CCDC171: variants seen among roughly 807,000 people sequenced by gnomAD.
CCDC171 encodes the protein coiled-coil domain containing 171, also known as coiled-coil domain-containing protein 171.
In CCDC171, 177 loss-of-function variants were observed where a neutral mutation model predicts 168.2. That is an observed-to-expected ratio of 1.05 (90% CI 0.93 to 1.19). The LOEUF (loss-of-function observed/expected upper bound fraction) is 1.19, where lower values mean the gene tolerates loss of function less well. Ranked by LOEUF, CCDC171 falls within the 50% of genes most tolerant of loss-of-function variation. CCDC171 has a pLI of 0.00. For synonymous variants in CCDC171, 687 were observed against 540.8 expected, an observed-to-expected ratio of 1.27 and a Z score of -3.75; for missense variants, 1,991 against 1,539.0, an observed-to-expected ratio of 1.29 and a Z score of -4.91.
At chr9:15,709,329 A>G (rs192157849) in intron 11 of CCDC171, among the ~76,000 whole-genome samples, 170 of 152,344 alleles carry the variant, frequency 1.1e-3, no homozygotes, top group African/African-American at 3.8e-3. Flanking sequence ...AATTGACATT[A>G]GAAAATCTAC....
chr9:15,648,077 G>A (rs568637715), intron 7 of CCDC171, among the ~76,000 whole-genome samples: 1 of 152,330 alleles, frequency 6.6e-6, no homozygotes, highest in East Asian at 1.9e-4. Context: ...TCCCTGGGAT[G>A]CAAGGCTGGT....
chr9:15,603,086 A>T (rs546155242), intron 6 of CCDC171, among the ~76,000 whole-genome samples: 18 of 151,932 alleles, frequency 1.2e-4, no homozygotes, highest in African/African-American at 4.3e-4. Context: ...GGTTCATGCT[A>T]TTCTCCTGCC....
At position 15,784,597 on chromosome 9, in the gene CCDC171, A is replaced by G; in HGVS notation, c.3170A>G (p.Asn1057Ser). 1.9e-6 allele frequency: 3 copies of G among 1,613,362 alleles called. No homozygotes were observed. The highest frequency in any genetic ancestry group is 8.5e-7 in the Non-Finnish European group (1 of 1,179,476). ...GAAGAGCAGGCACAAATGCTATTGAATGAACAGGCACAACAACTACAGGAA... is the reference window on the plus strand; with the variant it reads ...GAAGAGCAGGCACAAATGCTATTGAGTGAACAGGCACAACAACTACAGGAA... ...LREEQAQMLL[N>S]EQAQQLQELN... The change falls in exon 21 of 26, where the codon AAT (asparagine) becomes AGT (serine). Residue 1057 changes from asparagine (N) to serine (S), a missense_variant. Coordinates refer to ENST00000380701, the MANE Select transcript of CCDC171 (RefSeq NM_173550.4).
chr9:15,603,444 C>T (rs767173254), intron 6 of CCDC171, among the ~76,000 whole-genome samples: 2 of 152,148 alleles, frequency 1.3e-5, no homozygotes, highest in African/African-American at 2.4e-5. Context: ...GTGTTGTTCC[C>T]CTCCCTGTGT....
chr9:15,653,886 G>A (rs936300496), intron 7 of CCDC171, among the ~76,000 whole-genome samples: 1 of 150,760 alleles, frequency 6.6e-6, no homozygotes, highest in Non-Finnish European at 1.5e-5. Context: ...CAAAGTGACG[G>A]GGGCCACTGT....
chr9:15,698,064 GAGT>G (rs368209461), intron 11 of CCDC171, among the ~76,000 whole-genome samples: 68,746 of 151,684 alleles, frequency 0.45, 15,892 homozygotes, highest in Non-Finnish European at 0.51. Context: ...GTTAACTGTA[GAGT>G]TCAATACTGT....
At chr9:15,749,686 C>G (rs1281197568) in intron 18 of CCDC171, among the ~76,000 whole-genome samples, 1 of 152,218 alleles carries the variant, frequency 6.6e-6, no homozygotes, top group Non-Finnish European at 1.5e-5. Context: ...AACCGCTCAA[C>G]TACATGGAAA....
intron 6 of CCDC171, among the ~76,000 whole-genome samples, chr9:16,023,218 A>G (rs1004986483): frequency 3.9e-5 from 6 of 152,010 alleles, no homozygotes; most frequent in Middle Eastern, 3.2e-3. Context: ...TTAACATATT[A>G]CAGTTCTAAC....
At chr9:15,975,381 A>T (rs563585547), downstream of CCDC171, among the ~76,000 whole-genome samples, 40 of 152,264 alleles carry the variant, frequency 2.6e-4, no homozygotes, top group Admixed American at 6.5e-4. Flanking sequence ...AGAAAAAAAA[A>T]TTTTTTTTAA....
chr9:15,814,833 TA>T (rs1481397460), intron 21 of CCDC171, among the ~76,000 whole-genome samples: 3 of 152,226 alleles, frequency 2.0e-5, no homozygotes, highest in Admixed American at 6.5e-5. Flanking sequence ...CTCTACTATG[TA>T]AAAAGTGTAG....
chr9:15,721,925 A>G (rs377586011), intron 12 of CCDC171, 50 bp downstream of exon 12: 5 of 897,836 alleles, frequency 5.6e-6, no homozygotes, highest in African/African-American at 5.1e-5. Flanking sequence ...GGCCTGTACC[A>G]GTACGTATTC....
At chr9:15,931,459 T>TCTTTC (rs1489649986) in intron 25 of CCDC171, among the ~76,000 whole-genome samples, 1 of 136,290 alleles carries the variant, frequency 7.3e-6, no homozygotes, top group African/African-American at 2.9e-5. Flanking sequence ...TTTCTTTCTT[T>TCTTTC]TTTTTTTTTT....
chr9:15,611,222 C>G (rs1475815568), intron 6 of CCDC171, among the ~76,000 whole-genome samples: 1 of 152,180 alleles, frequency 6.6e-6, no homozygotes, highest in Non-Finnish European at 1.5e-5. Flanking sequence ...CCAAGTGATG[C>G]CAGCATCATG....
At chr9:15,700,022 C>T (rs2051578930) in intron 11 of CCDC171, among the ~76,000 whole-genome samples, 5 of 152,252 alleles carry the variant, frequency 3.3e-5, no homozygotes, top group Admixed American at 3.3e-4. Flanking sequence ...GAGCTGCCTG[C>T]CAGTCCCGTG....
At chr9:15,701,815 AC>A (rs2051771668) in intron 11 of CCDC171, among the ~76,000 whole-genome samples, 1 of 152,150 alleles carries the variant, frequency 6.6e-6, no homozygotes, top group Non-Finnish European at 1.5e-5. Context: ...ATTGGAATCA[AC>A]TTCTTCCAAA....
At chr9:15,965,803 A>G (rs374610603) in intron 25 of CCDC171, among the ~76,000 whole-genome samples, 1 of 152,320 alleles carries the variant, frequency 6.6e-6, no homozygotes, top group East Asian at 1.9e-4. Flanking sequence ...CACACAGGTT[A>G]AGTAACTTGT....
At chr9:15,787,037 A>G (rs1431710318) in intron 21 of CCDC171, among the ~76,000 whole-genome samples, 36 of 152,146 alleles carry the variant, frequency 2.4e-4, no homozygotes, top group Admixed American at 2.4e-3. Flanking sequence ...GTGGTCTTCT[A>G]TATGGACACG....
chr9:15,649,505 A>C (rs2047329942), intron 7 of CCDC171, among the ~76,000 whole-genome samples: 1 of 152,230 alleles, frequency 6.6e-6, no homozygotes, highest in African/African-American at 2.4e-5. Context: ...CTCATCTGAC[A>C]AAGGGCTAAT....
At chr9:15,583,422 A>AG (rs2041294968) in intron 4 of CCDC171, among the ~76,000 whole-genome samples, 1 of 151,850 alleles carries the variant, frequency 6.6e-6, no homozygotes, top group African/African-American at 2.4e-5. Flanking sequence ...AAAAAAAAAA[A>AG]AAAGAAAATG....
Sources: allele counts gnomAD v4.1 joint callset (sites outside exome capture counted in the v4.1 genomes callset), GRCh38; gene constraint gnomAD v4.1.1; transcripts MANE v1.5; gene names NCBI Gene and HGNC (gene_info 2026-07-23, HGNC 2026-07-21).